The following NDUFS6 variants were observed in gnomAD, a reference collection of about 807,000 sequenced individuals.
NDUFS6 encodes NADH:ubiquinone oxidoreductase subunit S6.
Under a neutral mutation model 13.2 loss-of-function variants are expected in NDUFS6, and 14 were observed. The ratio of observed to expected loss-of-function variants is 1.06; its 90% CI spans 0.70 to 1.66. The LOEUF (loss-of-function observed/expected upper bound fraction) is 1.66, where lower values mean the gene tolerates loss of function less well. Among genes scored for constraint, NDUFS6 ranks in the 40% most tolerant of loss-of-function variants. NDUFS6 has a pLI of 0.00. For synonymous variants in NDUFS6, 95 were observed against 72.3 expected, an observed-to-expected ratio of 1.31 and a Z score of -1.60; for missense variants, 206 against 170.8, an observed-to-expected ratio of 1.21 and a Z score of -1.15.
At chr5:1,810,525 C>T (rs1734202020) in intron 2 of NDUFS6, among the ~76,000 whole-genome samples, 1 of 152,226 alleles carries the variant, frequency 6.6e-6, no homozygotes, top group Admixed American at 6.5e-5. Context: ...TTTCCAAGTT[C>T]CCAAATTTGC....
chr5:1,807,275 C>T (rs1325340340), intron 2 of NDUFS6, among the ~76,000 whole-genome samples: 5 of 150,620 alleles, frequency 3.3e-5, no homozygotes, highest in Non-Finnish European at 4.4e-5. Flanking sequence ...TGGTGGTTGC[C>T]GGGGGCGGGG....
At chr5:1,804,604 C>G (rs563891928) in intron 2 of NDUFS6, among the ~76,000 whole-genome samples, 1 of 152,228 alleles carries the variant, frequency 6.6e-6, no homozygotes, top group African/African-American at 2.4e-5. Flanking sequence ...GGGCATCCTG[C>G]CCAAGCTTTC....
intron 1 of NDUFS6, 86 bp from the exon 2 acceptor site, chr5:1,802,235 C>A: frequency 7.7e-7 from 1 of 1,301,520 alleles, no homozygotes; most frequent in Non-Finnish European, 1.1e-6. Flanking sequence ...AAGAAAAACA[C>A]TTTCCTGTAA....
intron 1 of NDUFS6, 108 bp downstream of exon 1, chr5:1,801,657 A>G: frequency 6.8e-7 from 1 of 1,464,864 alleles, no homozygotes; most frequent in South Asian, 1.3e-5. Flanking sequence ...CCGGCAGCGC[A>G]GGTCGTGGTA....
chr5:1,802,077 C>T (rs1184668699), intron 1 of NDUFS6: 2 of 524,312 alleles, frequency 3.8e-6, no homozygotes, highest in Admixed American at 6.8e-5. Context: ...GTCTCTCCTC[C>T]TTAGCTCCAC....
intron 2 of NDUFS6, among the ~76,000 whole-genome samples, chr5:1,802,951 C>T (rs1269732293): frequency 6.6e-6 from 1 of 151,764 alleles, no homozygotes; most frequent in African/African-American, 2.4e-5. Context: ...CTCTATCACT[C>T]ATGTCAATGA....
At chr5:1,807,162 C>CTCAGAGGTACTGCGTGAGGTAT (rs1734138870) in intron 2 of NDUFS6, among the ~76,000 whole-genome samples, 1 of 152,152 alleles carries the variant, frequency 6.6e-6, no homozygotes, top group Non-Finnish European at 1.5e-5. Context: ...GCGTGAGGTA[C>CTCAGAGGTACTGCGTGAGGTAT]TCAGAGGTAC....
intron 2 of NDUFS6, among the ~76,000 whole-genome samples, chr5:1,811,366 C>A (rs1734216772): frequency 6.6e-6 from 1 of 151,360 alleles, no homozygotes; most frequent in Non-Finnish European, 1.5e-5. Context: ...AAAAAAAAAA[C>A]AAAATAACAA....
At chr5:1,802,199 G>C (rs1208904919) in intron 1 of NDUFS6, 122 bp from the exon 2 acceptor site, 1 of 923,832 alleles carries the variant, frequency 1.1e-6, no homozygotes, top group Non-Finnish European at 1.7e-6. Flanking sequence ...GCACTTGTTT[G>C]ACTTTTCATC....
intron 2 of NDUFS6, among the ~76,000 whole-genome samples, chr5:1,812,065 T>C (rs1469427112): frequency 1.3e-5 from 2 of 152,222 alleles, no homozygotes; most frequent in African/African-American, 4.8e-5. Flanking sequence ...TATAACAGAG[T>C]ACCTGAGACT....
chr5:1,802,372 G>A lies in NDUFS6; in HGVS notation c.184G>A (p.Glu62Lys). 1.9e-6 allele frequency: 3 copies of A among 1,613,798 alleles called. No individual in the cohort carries two copies. Among genetic ancestry groups the A allele is most frequent in the Non-Finnish European group, 2.5e-6 (3 of 1,179,762 alleles). Residue 62 changes from glutamate (E) to lysine (K), a missense_variant and splice_region_variant, in exon 2 of 4, where the codon GAG (glutamate) becomes AAG (lysine). By Grantham distance (56) the Glu-to-Lys change is moderately conservative. Coordinates refer to ENST00000274137, the MANE Select transcript of NDUFS6 (RefSeq NM_004553.6). ...AATTCGGTTTGTAGGTCGTCAGAAA[G>A]AGGTGAGTAAAAAATCTAGTGAAGA... ...RRIRFVGRQKEVNENFAIDLI... is the reference protein window; with the variant it reads ...RRIRFVGRQKKVNENFAIDLI...
At chr5:1,809,688 G>A (rs1381945200) in intron 2 of NDUFS6, among the ~76,000 whole-genome samples, 3 of 152,224 alleles carry the variant, frequency 2.0e-5, no homozygotes, top group Admixed American at 6.5e-5. Flanking sequence ...TTGTTAGTGC[G>A]GCCTTTGTGA....
At chr5:1,810,398 C>T (rs1734200239) in intron 2 of NDUFS6, among the ~76,000 whole-genome samples, 1 of 152,168 alleles carries the variant, frequency 6.6e-6, no homozygotes, top group South Asian at 2.1e-4. Flanking sequence ...CTCTACTTCC[C>T]ATAGCTTCCC....
At chr5:1,805,897 G>A (rs1381814864) in intron 2 of NDUFS6, among the ~76,000 whole-genome samples, 1 of 152,044 alleles carries the variant, frequency 6.6e-6, no homozygotes, top group Non-Finnish European at 1.5e-5. Context: ...AGGCTCCTGC[G>A]CTGATGGGCT....
At chr5:1,815,493 G>A (rs1451899394) in intron 3 of NDUFS6, among the ~76,000 whole-genome samples, 2 of 152,218 alleles carry the variant, frequency 1.3e-5, no homozygotes, top group African/African-American at 2.4e-5. Context: ...CTGGGCACCC[G>A]GCATGTCCCC....
intron 2 of NDUFS6, among the ~76,000 whole-genome samples, chr5:1,812,335 T>A (rs747200107): frequency 2.0e-5 from 3 of 151,936 alleles, no homozygotes; most frequent in African/African-American, 7.2e-5. Flanking sequence ...GACTATTCAG[T>A]TTCCAACAGA....
intron 2 of NDUFS6, among the ~76,000 whole-genome samples, chr5:1,805,757 G>A (rs1288615854): frequency 6.6e-6 from 1 of 152,242 alleles, no homozygotes; most frequent in East Asian, 1.9e-4. Flanking sequence ...AGGGATGACT[G>A]GGGGAGGTCT....
At chr5:1,811,473 C>T (rs1024055323) in intron 2 of NDUFS6, among the ~76,000 whole-genome samples, 1 of 152,206 alleles carries the variant, frequency 6.6e-6, no homozygotes. Context: ...CTTGATCATG[C>T]ATGTTTTTAA....
At position 1,814,387 on chromosome 5, in the gene NDUFS6, G is replaced by A. The variant is rs201122206; in HGVS notation, c.235G>A (p.Glu79Lys). ...TTTGATAGCAGAGCAGCCCGTGAGC[G>A]AGGTGGAGACTCGGGTGATAGCGTG... ...IDLIAEQPVS[E>K]VETRVIACDG... is the part of the protein sequence containing the mutation. Residue 79 changes from glutamate (E) to lysine (K), a missense_variant, in exon 3 of 4, where the codon GAG (glutamate) becomes AAG (lysine). Glu to Lys is a moderately conservative substitution (Grantham distance 56, BLOSUM62 1). Coordinates refer to ENST00000274137, the MANE Select transcript of NDUFS6 (RefSeq NM_004553.6). The surrounding 1 kb of genome is among the most constrained non-coding windows in gnomAD (Gnocchi z 4.9). 78 of 1,614,082 alleles carry A rather than the reference G, an allele frequency of 4.8e-5. No homozygotes were observed. Among genetic ancestry groups the A allele is most frequent in the Non-Finnish European group, 6.2e-5 (73 of 1,180,038 alleles).
Sources: gnomAD v4.1 joint callset for allele counts (sites outside exome capture counted in the v4.1 genomes callset) on GRCh38, gnomAD v4.1.1 for gene constraint, Gnocchi (gnomAD v3.1) non-coding constraint, MANE v1.5 for transcripts, NCBI Gene and HGNC (gene_info 2026-07-23, HGNC 2026-07-21) for gene names.